The following PTPRM variants were observed in gnomAD, a reference collection of about 807,000 sequenced individuals.
PTPRM encodes receptor-type tyrosine-protein phosphatase mu.
PTPRM carries 47 observed loss-of-function variants against 186.7 expected under a neutral mutation model. The ratio of observed to expected loss-of-function variants is 0.25; its 90% CI spans 0.20 to 0.32. PTPRM has a LOEUF of 0.32. Ranked by LOEUF, PTPRM falls within the 10% of genes least tolerant of loss-of-function variation. The probability of loss-of-function intolerance (pLI) is 1.00; values close to 1 mark genes in which losing one functional copy is unlikely to be tolerated. For synonymous variants in PTPRM, 668 were observed against 674.9 expected, an observed-to-expected ratio of 0.99 and a Z score of 0.16; for missense variants, 1,494 against 1,865.0, an observed-to-expected ratio of 0.80 and a Z score of 3.66.
chr18:7,960,480 T>TATACACAC (rs1300573371), intron 7 of PTPRM, among the ~76,000 whole-genome samples: 21 of 86,602 alleles, frequency 2.4e-4, no homozygotes, highest in African/African-American at 8.3e-4. Context: ...TATATATATA[T>TATACACAC]ACACACACAC....
intron 2 of PTPRM, among the ~76,000 whole-genome samples, chr18:7,849,432 T>A (rs2046759154): frequency 6.6e-6 from 1 of 152,226 alleles, no homozygotes; most frequent in African/African-American, 2.4e-5. Flanking sequence ...GTTGTAGAGA[T>A]AAAGTATAGC....
intron 23 of PTPRM, among the ~76,000 whole-genome samples, chr18:8,352,340 G>A (rs1329840084): frequency 6.6e-6 from 1 of 152,132 alleles, no homozygotes; most frequent in Non-Finnish European, 1.5e-5. Flanking sequence ...TTTGTTAAAT[G>A]GGTATATTTA....
intron 28 of PTPRM, among the ~76,000 whole-genome samples, chr18:8,379,802 A>G (rs114342927): frequency 1.8e-4 from 28 of 152,330 alleles, no homozygotes; most frequent in African/African-American, 6.3e-4. Flanking sequence ...CTAACACGGA[A>G]ATTTTAATTC....
At chr18:8,328,565 A>G (rs1451661358) in intron 22 of PTPRM, among the ~76,000 whole-genome samples, 1 of 152,200 alleles carries the variant, frequency 6.6e-6, no homozygotes, top group Non-Finnish European at 1.5e-5. Context: ...GTTATGTCCT[A>G]TTTGAGACTA....
chr18:7,898,733 C>T (rs1356736808), intron 3 of PTPRM, among the ~76,000 whole-genome samples: 5 of 152,190 alleles, frequency 3.3e-5, no homozygotes, highest in Admixed American at 2.6e-4. Context: ...CATTTTCTTA[C>T]ATCCCAGGGC....
chr18:8,317,128 G>A (rs1159406592), intron 21 of PTPRM, among the ~76,000 whole-genome samples: 1 of 152,044 alleles, frequency 6.6e-6, no homozygotes, highest in Non-Finnish European at 1.5e-5. Flanking sequence ...GCTGCTGGGA[G>A]GGAAGTGAAC....
At chr18:7,986,125 A>AT (rs1333787956) in intron 7 of PTPRM, among the ~76,000 whole-genome samples, 15 of 152,218 alleles carry the variant, frequency 9.9e-5, no homozygotes, top group Admixed American at 6.5e-4. Flanking sequence ...GACTAAAAAC[A>AT]TTTTAGAAAA....
At position 7,752,359 on chromosome 18, in the gene PTPRM, T is replaced by TA. The variant is rs535255671; in HGVS notation, c.74-21783dup. On this transcript the variant is annotated intron_variant, in intron 1 of 32. Transcript: ENST00000580170. ...CTAGGCCTCGAATATATTCTTTTTT[T>TA]AAAAAAATTTCTATAATTTCAAAAG... is the stretch of plus-strand genomic sequence containing the variant. Among the ~76,000 whole-genome samples the TA allele has an allele frequency of 2.1e-3, 314 of 152,264 alleles. 1 individual carries two copies. The highest frequency in any genetic ancestry group is 7.3e-3 in the African/African-American group (303 of 41,564).
chr18:8,350,978 T>C (rs2095531451), intron 23 of PTPRM, among the ~76,000 whole-genome samples: 1 of 152,184 alleles, frequency 6.6e-6, no homozygotes, highest in African/African-American at 2.4e-5. Context: ...ATTTTCAGTG[T>C]GGTTATTGTG....
intron 2 of PTPRM, among the ~76,000 whole-genome samples, chr18:7,789,833 A>C (rs1184633955): frequency 6.6e-6 from 1 of 152,142 alleles, no homozygotes; most frequent in South Asian, 2.1e-4. Flanking sequence ...CTGAAAAGAG[A>C]AATGGTTGTG....
chr18:8,195,152 CTTT>C (rs1164451439), intron 14 of PTPRM, among the ~76,000 whole-genome samples: 57 of 117,028 alleles, frequency 4.9e-4, no homozygotes, highest in African/African-American at 1.1e-3. Context: ...CTTAGAAGTT[CTTT>C]TTTTTTTTTT....
chr18:8,285,441 G>T (rs1568665818), intron 19 of PTPRM, among the ~76,000 whole-genome samples: 1 of 152,184 alleles, frequency 6.6e-6, no homozygotes, highest in Non-Finnish European at 1.5e-5. Context: ...TGTACAAGGT[G>T]ATTTTTAGGA....
chr18:7,736,231 G>A (rs1179897189), intron 1 of PTPRM, among the ~76,000 whole-genome samples: 1 of 152,186 alleles, frequency 6.6e-6, no homozygotes, highest in Non-Finnish European at 1.5e-5. Context: ...GGTCACAACT[G>A]CTTAGCTCCA....
chr18:7,811,513 A>C (rs2044514372), intron 2 of PTPRM, among the ~76,000 whole-genome samples: 1 of 152,190 alleles, frequency 6.6e-6, no homozygotes, highest in African/African-American at 2.4e-5. Flanking sequence ...ATGTACCACC[A>C]AGCCGAGTTC....
intron 1 of PTPRM, among the ~76,000 whole-genome samples, chr18:7,761,629 G>A (rs1598562200): frequency 1.3e-5 from 2 of 152,130 alleles, no homozygotes; most frequent in African/African-American, 2.4e-5. Context: ...ATGAGTTTTT[G>A]TTCTTCCTGT....
chr18:7,930,152 T>G (rs928307486), intron 5 of PTPRM, among the ~76,000 whole-genome samples: 3 of 152,112 alleles, frequency 2.0e-5, no homozygotes, highest in Non-Finnish European at 4.4e-5. Context: ...CACTGCAGCC[T>G]CGACCACCTG....
In PTPRM at chr18:7,692,494, T is replaced by TAA. The variant is rs140765306; in HGVS notation, c.74-81654_74-81653insAA. On this transcript the variant is annotated intron_variant, in intron 1 of 32. Transcript: ENST00000580170. The stretch of plus-strand genomic sequence containing the variant: ...AAACCTTTCTTAAAAAACTGGGTAT[T>TAA]AGAGTGTGGATAGCAGAACATTTTA... Among the ~76,000 whole-genome samples the TAA allele has an allele frequency of 3.3e-5, 5 of 152,338 alleles. No homozygotes were observed. The East Asian group carries it at 9.6e-4, about 29-fold the overall frequency.
At chr18:8,201,949 G>T (rs547717164) in intron 14 of PTPRM, among the ~76,000 whole-genome samples, 1 of 152,194 alleles carries the variant, frequency 6.6e-6, no homozygotes, top group Non-Finnish European at 1.5e-5. Flanking sequence ...GTTTAAAGGC[G>T]TGGTGAACCC....
At chr18:8,139,066 C>T (rs552955368) in intron 13 of PTPRM, among the ~76,000 whole-genome samples, 1 of 152,082 alleles carries the variant, frequency 6.6e-6, no homozygotes, top group Non-Finnish European at 1.5e-5. Context: ...TCTTCTACAC[C>T]CAGATCTCTC....
Sources: allele counts gnomAD v4.1 joint callset (sites outside exome capture counted in the v4.1 genomes callset), GRCh38; gene constraint gnomAD v4.1.1; transcripts MANE v1.5; gene names NCBI Gene and HGNC (gene_info 2026-07-23, HGNC 2026-07-21).